The following UGGT2 variants were observed in gnomAD, a reference collection of about 807,000 sequenced individuals.
UGGT2 encodes UDP-glucose glycoprotein glucosyltransferase 2.
UGGT2 carries 180 observed loss-of-function variants against 192.1 expected under a neutral mutation model. That is an observed-to-expected ratio of 0.94 (90% CI 0.83 to 1.06). The LOEUF is 1.06. Ranked by LOEUF, UGGT2 falls within the 50% of genes least tolerant of loss-of-function variation. The probability of loss-of-function intolerance (pLI) is 0.00; values close to 1 mark genes in which losing one functional copy is unlikely to be tolerated. For missense variants in UGGT2, 1,849 were observed against 1,795.7 expected (o/e 1.03, Z -0.54); for synonymous variants, 580 against 591.0 (o/e 0.98, Z 0.27).
At chr13:96,032,555 G>C (rs1161427350) in intron 1 of UGGT2, among the ~76,000 whole-genome samples, 2 of 152,066 alleles carry the variant, frequency 1.3e-5, no homozygotes, top group Non-Finnish European at 2.9e-5. Context: ...AGAAAAAATG[G>C]CCAAAGCCAT....
intron 22 of UGGT2, among the ~76,000 whole-genome samples, chr13:95,898,608 C>A (rs2048015452): frequency 6.6e-6 from 1 of 152,098 alleles, no homozygotes; most frequent in African/African-American, 2.4e-5. Flanking sequence ...AAAACTGAAT[C>A]CCCAATGCAA....
chr13:96,020,724 C>T (rs1594587793), intron 4 of UGGT2, among the ~76,000 whole-genome samples: 1 of 152,040 alleles, frequency 6.6e-6, no homozygotes, highest in South Asian at 2.1e-4. Context: ...TTTTTCTTCT[C>T]GACCCATGGG....
intron 2 of UGGT2, among the ~76,000 whole-genome samples, chr13:96,027,649 A>C (rs2052709633): frequency 6.6e-6 from 1 of 152,228 alleles, no homozygotes; most frequent in South Asian, 2.1e-4. Flanking sequence ...AACGACACGT[A>C]GCTCTACTGG....
intron 20 of UGGT2, among the ~76,000 whole-genome samples, chr13:95,910,157 T>C (rs766212502): frequency 6.6e-6 from 1 of 152,140 alleles, no homozygotes; most frequent in Non-Finnish European, 1.5e-5. Flanking sequence ...GTAAAGACCA[T>C]TGGTGCTATG....
chr13:96,011,418 A>G (rs1370927131), intron 5 of UGGT2, among the ~76,000 whole-genome samples: 1 of 152,118 alleles, frequency 6.6e-6, no homozygotes, highest in African/African-American at 2.4e-5. Flanking sequence ...AAACTTATGA[A>G]AAGCCAGACA....
Position 95,949,329 on chromosome 13 carries a change from A to C in UGGT2, c.1455+6T>G. The C allele has an allele frequency of 6.6e-7, 1 of 1,526,222 alleles. No homozygotes were observed. Among genetic ancestry groups the C allele is most frequent in the Non-Finnish European group, 8.8e-7 (1 of 1,138,228 alleles). The allele number at this position is 1,526,222 out of a possible 1,614,324, so 94.5% of individuals were successfully genotyped here. On this transcript the variant is annotated splice_donor_region_variant and intron_variant, in intron 13 of 38. Transcript: ENST00000376747. ...TATATATGTATAATCAAAATATAAA[A>C]CTCACCAAATTATGAAAATTGCGCC...
At chr13:95,807,569 G>A (rs1884364746) in intron 38 of UGGT2, among the ~76,000 whole-genome samples, 1 of 152,080 alleles carries the variant, frequency 6.6e-6, no homozygotes, top group Non-Finnish European at 1.5e-5. Context: ...TTCCGGCACT[G>A]CTTCTATGTC....
At position 95,936,891 on chromosome 13, in the gene UGGT2, T is replaced by C. The variant is rs143851923; in HGVS notation, c.1977+33A>G. 7.0e-5 allele frequency: 100 copies of C among 1,438,330 alleles called. No homozygotes were observed. In the African/African-American group the frequency reaches 1.2e-3, roughly 18 times the overall value. The allele number at this position is 1,438,330 out of a possible 1,614,324, so 89.1% of individuals were successfully genotyped here. A position where few individuals can be genotyped will look rare whatever the true frequency, so the allele number is the denominator to read the frequency against. Reference sequence around the variant, plus strand: ...TAATAAAAACATCATTTATAAATATTCATCATGTATTTTCTTATAAATGCT... The same window carrying C: ...TAATAAAAACATCATTTATAAATATCCATCATGTATTTTCTTATAAATGCT... On this transcript the variant is annotated intron_variant, in intron 17 of 38. Coordinates refer to ENST00000376747, the MANE Select transcript of UGGT2 (RefSeq NM_020121.4).
At chr13:95,862,493 G>A (rs1044420846) in intron 31 of UGGT2, among the ~76,000 whole-genome samples, 2 of 152,080 alleles carry the variant, frequency 1.3e-5, no homozygotes, top group African/African-American at 4.8e-5. Flanking sequence ...TATTTTGGGG[G>A]GAATCATTCC....
intron 9 of UGGT2, chr13:95,985,261 TA>T: frequency 7.9e-7 from 1 of 1,272,462 alleles, no homozygotes. Context: ...CATGTTTTAT[TA>T]TATAAATGAC....
At chr13:95,965,680 C>A (rs1483175238) in intron 12 of UGGT2, among the ~76,000 whole-genome samples, 1 of 151,580 alleles carries the variant, frequency 6.6e-6, no homozygotes, top group Non-Finnish European at 1.5e-5. Flanking sequence ...CAGCATGGCA[C>A]ATGTATACAT....
intron 2 of UGGT2, among the ~76,000 whole-genome samples, chr13:96,023,993 T>C (rs1344327292): frequency 1.3e-5 from 2 of 152,196 alleles, no homozygotes; most frequent in Admixed American, 6.5e-5. Flanking sequence ...AATCTTGCCA[T>C]TAAAATCTAT....
At chr13:95,963,842 G>GA (rs1369628734) in intron 12 of UGGT2, among the ~76,000 whole-genome samples, 4 of 151,936 alleles carry the variant, frequency 2.6e-5, no homozygotes, top group Non-Finnish European at 5.9e-5. Flanking sequence ...ATCTGTACAA[G>GA]AAAAAATTGA....
intron 20 of UGGT2, among the ~76,000 whole-genome samples, chr13:95,913,378 A>C (rs562321146): frequency 1.5e-3 from 224 of 152,216 alleles, no homozygotes; most frequent in Non-Finnish European, 2.8e-3. Flanking sequence ...CAAAGAACTC[A>C]AACAAACTTA....
At chr13:95,877,175 C>T in intron 29 of UGGT2, 104 bp downstream of exon 29, 2 of 1,002,186 alleles carry the variant, frequency 2.0e-6, no homozygotes, top group Non-Finnish European at 2.9e-6. Flanking sequence ...AGCCACTGCG[C>T]CAGGCCAATC....
intron 17 of UGGT2, among the ~76,000 whole-genome samples, chr13:95,936,043 G>C (rs2049452594): frequency 6.6e-6 from 1 of 152,120 alleles, no homozygotes; most frequent in East Asian, 1.9e-4. Context: ...GCCCAGGCTG[G>C]TCTCAAACTC....
chr13:95,971,028 A>G (rs552220340), intron 11 of UGGT2, among the ~76,000 whole-genome samples: 1 of 152,302 alleles, frequency 6.6e-6, no homozygotes, highest in East Asian at 1.9e-4. Context: ...AGGCCTTTAT[A>G]GAACCAATGC....
At chr13:96,050,574 C>G (rs2139244147) in intron 1 of UGGT2, among the ~76,000 whole-genome samples, 1 of 152,270 alleles carries the variant, frequency 6.6e-6, no homozygotes, top group Non-Finnish European at 1.5e-5. Flanking sequence ...TTTTTGCAAT[C>G]TACCCATCTG....
At chr13:95,951,830 TG>T (rs758312850) in intron 12 of UGGT2, among the ~76,000 whole-genome samples, 3 of 151,844 alleles carry the variant, frequency 2.0e-5, no homozygotes, top group Non-Finnish European at 4.4e-5. Flanking sequence ...GAGCCTGAGG[TG>T]GGTGGATCAT....
Sources: allele counts gnomAD v4.1 joint callset (sites outside exome capture counted in the v4.1 genomes callset), GRCh38; gene constraint gnomAD v4.1.1; transcripts MANE v1.5; gene names NCBI Gene and HGNC (gene_info 2026-07-23, HGNC 2026-07-21).